The following UHRF1 variants were observed in gnomAD, a reference collection of about 807,000 sequenced individuals.
UHRF1 encodes ubiquitin like with PHD and ring finger domains 1.
In UHRF1, 9 loss-of-function variants were observed where a neutral mutation model predicts 96.5. The observed-to-expected ratio is 0.09, with a 90% confidence interval of 0.06 to 0.16. The LOEUF (loss-of-function observed/expected upper bound fraction) is 0.16. UHRF1 is among the 10% of genes least tolerant of loss of function. The pLI is 1.00. For missense variants in UHRF1, 626 were observed against 1,131.1 expected (o/e 0.55, Z 6.40); for synonymous variants, 455 against 469.9 (o/e 0.97, Z 0.41).
Position 4,922,464 on chromosome 19 carries a change from G to A in UHRF1, c.154-6758G>A, listed in dbSNP as rs189229680. Among the ~76,000 whole-genome samples the A allele has an allele frequency of 1.5e-3, 224 of 147,910 alleles. 1 individual carries two copies. The Middle Eastern group carries it at 0.026, about 17-fold the overall frequency. Reference sequence around the variant, plus strand: ...GTGTTTTCAGTAGAGATGGGGTTTTGCCATGTTGGCCAGGCTGGTCTCGAA... The same window carrying A: ...GTGTTTTCAGTAGAGATGGGGTTTTACCATGTTGGCCAGGCTGGTCTCGAA... On this transcript the variant is annotated intron_variant, in intron 2 of 16. Transcript: ENST00000650932.
At chr19:4,928,081 G>T (rs1195741072) in intron 2 of UHRF1, among the ~76,000 whole-genome samples, 1 of 152,072 alleles carries the variant, frequency 6.6e-6, no homozygotes, top group East Asian at 1.9e-4. Context: ...TTCACCAGGG[G>T]GTCTCACCCA....
intron 2 of UHRF1, among the ~76,000 whole-genome samples, chr19:4,928,763 T>C (rs1486130821): frequency 6.6e-6 from 1 of 152,152 alleles, no homozygotes; most frequent in Non-Finnish European, 1.5e-5. Flanking sequence ...ACCCACTCCA[T>C]GCTAGGAGCT....
intron 2 of UHRF1, among the ~76,000 whole-genome samples, chr19:4,911,341 G>A (rs1043294310): frequency 1.3e-4 from 20 of 152,268 alleles, no homozygotes; most frequent in Middle Eastern, 3.4e-3. Flanking sequence ...AGAAGTTTTG[G>A]AGGTGGCCGA....
chr19:4,957,979 T>A (rs947602443), intron 16 of UHRF1, among the ~76,000 whole-genome samples: 1 of 152,184 alleles, frequency 6.6e-6, no homozygotes, highest in Non-Finnish European at 1.5e-5. Context: ...TTGCTGGCGG[T>A]TTTCCTTCCA....
At chr19:4,912,435 C>T (rs1266004877) in intron 2 of UHRF1, among the ~76,000 whole-genome samples, 4 of 152,158 alleles carry the variant, frequency 2.6e-5, no homozygotes, top group Non-Finnish European at 5.9e-5. Context: ...GGGTTGGACT[C>T]TCATGCTCCC....
intron 5 of UHRF1, among the ~76,000 whole-genome samples, chr19:4,940,666 T>C (rs2033365633): frequency 1.3e-5 from 2 of 150,950 alleles, no homozygotes; most frequent in Admixed American, 1.3e-4. Context: ...GTGCCCAACT[T>C]GATTTATTTA....
rs575779639 is a variant in UHRF1, at chr19:4,951,073, C to G, written c.1818+77C>G. The G allele has an allele frequency of 2.7e-6, 4 of 1,457,970 alleles. No homozygotes were observed. In the East Asian group the frequency reaches 9.9e-5, roughly 36 times the overall value. 90.3% of individuals were successfully genotyped at this position (1,457,970 alleles called of 1,614,324 possible). The stretch of plus-strand genomic sequence containing the variant: ...CTTACGTTAGGAGTTCAAGACCAGC[C>G]TGGCCAACATGGTGAAACCTCATCT... On this transcript the variant is annotated intron_variant, in intron 13 of 16. Coordinates refer to ENST00000650932, the MANE Select transcript of UHRF1 (RefSeq NM_001048201.3).
intron 7 of UHRF1, among the ~76,000 whole-genome samples, chr19:4,943,880 A>G (rs1189583483): frequency 1.3e-5 from 2 of 152,140 alleles, no homozygotes; most frequent in African/African-American, 4.8e-5. Context: ...TGAACTCCTG[A>G]CCTCAGGTGA....
In UHRF1 at chr19:4,944,458, C is replaced by T. The variant is rs778854146; in HGVS notation, c.1305+8C>T. The T allele has an allele frequency of 3.1e-6, 5 of 1,613,628 alleles. No individual in the cohort carries two copies. Among genetic ancestry groups the T allele is most frequent in the African/African-American group, 2.7e-5 (2 of 74,946 alleles). ...TGGCGGTTCCGAGTCCAGGTACCTG[C>T]AGCGTCCCGGGGCTCCAGGGGCCAC... On this transcript the variant is annotated splice_region_variant and intron_variant, in intron 9 of 16. Transcript: ENST00000650932.
At chr19:4,935,588 C>T (rs780545389) in intron 5 of UHRF1, among the ~76,000 whole-genome samples, 34 of 151,710 alleles carry the variant, frequency 2.2e-4, no homozygotes, top group Non-Finnish European at 3.8e-4. Context: ...GCCTGCAGTT[C>T]CCAGGGCCCA....
upstream of UHRF1, chr19:4,909,462 C>T (rs958009253): frequency 3.1e-6 from 2 of 654,194 alleles, no homozygotes; most frequent in Non-Finnish European, 5.5e-6. Flanking sequence ...CCTGCGGCCC[C>T]GCAACTCCCA....
At chr19:4,922,334 C>G (rs1023831104) in intron 2 of UHRF1, among the ~76,000 whole-genome samples, 1 of 151,564 alleles carries the variant, frequency 6.6e-6, no homozygotes, top group Non-Finnish European at 1.5e-5. Flanking sequence ...GGTGTGATCT[C>G]GGCTCACTGC....
At chr19:4,912,120 G>A (rs1251755936) in intron 2 of UHRF1, among the ~76,000 whole-genome samples, 3 of 152,152 alleles carry the variant, frequency 2.0e-5, no homozygotes. Context: ...CGTAAGAGAC[G>A]TGATGACTTG....
At chr19:4,948,742 T>C (rs1007745255) in intron 11 of UHRF1, among the ~76,000 whole-genome samples, 17 of 151,736 alleles carry the variant, frequency 1.1e-4, no homozygotes, top group African/African-American at 4.1e-4. Context: ...GAGGATGCAG[T>C]GAGCCGAAAT....
intron 2 of UHRF1, among the ~76,000 whole-genome samples, chr19:4,918,138 G>A (rs1166174825): frequency 1.3e-5 from 2 of 151,618 alleles, no homozygotes; most frequent in Middle Eastern, 3.4e-3. Context: ...TTTTGTTTTT[G>A]AGATGGAGTC....
chr19:4,928,164 T>A (rs950612844), intron 2 of UHRF1, among the ~76,000 whole-genome samples: 1 of 151,796 alleles, frequency 6.6e-6, no homozygotes, highest in African/African-American at 2.4e-5. Flanking sequence ...AACTACGGGG[T>A]GCTCCTGGCA....
At chr19:4,923,394 C>T (rs1338995756) in intron 2 of UHRF1, among the ~76,000 whole-genome samples, 1 of 152,166 alleles carries the variant, frequency 6.6e-6, no homozygotes, top group Non-Finnish European at 1.5e-5. Flanking sequence ...GCTGCACCTC[C>T]GACCTGTCCT....
rs746807328 is a variant in UHRF1, at chr19:4,930,388, G to T, written c.409-328G>T. Among the ~76,000 whole-genome samples, 3 of 152,182 alleles carry T rather than the reference G, an allele frequency of 2.0e-5. No homozygotes were observed. The highest frequency in any genetic ancestry group is 4.8e-5 in the African/African-American group (2 of 41,448). The stretch of plus-strand genomic sequence containing the variant: ...CTCCCAAAGTGCTGGTATTCCAGGC[G>T]TGAGCCACGACGCCCTGCCTGGATT... On this transcript the variant is annotated intron_variant, in intron 3 of 16. Coordinates refer to ENST00000650932, the MANE Select transcript of UHRF1 (RefSeq NM_001048201.3). The surrounding 1 kb of genome is among the most constrained non-coding windows in gnomAD (Gnocchi z 4.4).
At chr19:4,923,463 C>G (rs1449951151) in intron 2 of UHRF1, among the ~76,000 whole-genome samples, 2 of 152,158 alleles carry the variant, frequency 1.3e-5, no homozygotes, top group South Asian at 2.1e-4. Flanking sequence ...TGGTTTCCCT[C>G]GTGCGCTGAG....
Sources: allele counts gnomAD v4.1 joint callset (sites outside exome capture counted in the v4.1 genomes callset), GRCh38; gene constraint gnomAD v4.1.1; non-coding constraint Gnocchi (gnomAD v3.1); transcripts MANE v1.5; gene names NCBI Gene and HGNC (gene_info 2026-07-23, HGNC 2026-07-21).